ATRN: variants seen among roughly 807,000 people sequenced by gnomAD.
ATRN encodes the protein attractin, also known as attractin-2.
A neutral mutation model predicts 178.7 loss-of-function variants in ATRN; 54 were observed. The observed-to-expected ratio is 0.30, with a 90% confidence interval of 0.24 to 0.38. The LOEUF (loss-of-function observed/expected upper bound fraction) is 0.38. ATRN is among the 10% of genes least tolerant of loss of function. The pLI is 1.00. For synonymous variants in ATRN, 636 were observed against 663.0 expected (o/e 0.96, Z 0.63); for missense variants, 1,443 against 1,815.1 (o/e 0.79, Z 3.73).
Position 3,560,754 on chromosome 20 carries a change from G to A in ATRN, c.1296G>A (p.Val432=), listed in dbSNP as rs750311574. The part of the protein sequence containing the change: ...RVFHIHNESW[V]LLTPKAKEQY... ...TTCACATTCATAATGAGTCATGGGT[G>A]TTGTTGACCCCTAAGGCAAAGGAGC... Residue 432 remains valine (V), a synonymous_variant, in exon 8 of 29, where the codon GTG becomes GTA. Coordinates refer to ENST00000262919, the MANE Select transcript of ATRN (RefSeq NM_139321.3). 1.2e-6 allele frequency: 2 copies of A among 1,614,170 alleles called. No individual in the cohort carries two copies. The highest frequency in any genetic ancestry group is 2.2e-5 in the South Asian group (2 of 91,078).
chr20:3,588,012 T>C (rs1281927482), intron 18 of ATRN, among the ~76,000 whole-genome samples: 1 of 152,108 alleles, frequency 6.6e-6, no homozygotes, highest in East Asian at 1.9e-4. Context: ...AACACCCAGC[T>C]AATTTTTATA....
chr20:3,535,220 G>A, intron 1 of ATRN, 33 bp from the exon 2 acceptor site: 2 of 1,109,192 alleles, frequency 1.8e-6, no homozygotes, highest in Non-Finnish European at 2.5e-6. Context: ...TAATATAGCA[G>A]ACTTAAGTTT....
chr20:3,612,358 C>T (rs1000978509), intron 24 of ATRN, among the ~76,000 whole-genome samples: 2 of 152,092 alleles, frequency 1.3e-5, no homozygotes, highest in Non-Finnish European at 2.9e-5. Flanking sequence ...GAATAAGTAT[C>T]CTGAAGCTTC....
At chr20:3,590,893 T>C (rs1293186415) in intron 18 of ATRN, among the ~76,000 whole-genome samples, 1 of 152,218 alleles carries the variant, frequency 6.6e-6, no homozygotes, top group African/African-American at 2.4e-5. Context: ...AAGTATACTG[T>C]CATGAGCATA....
chr20:3,605,265 G>T (rs2086662561), intron 24 of ATRN, among the ~76,000 whole-genome samples: 1 of 152,178 alleles, frequency 6.6e-6, no homozygotes, highest in Non-Finnish European at 1.5e-5. Context: ...ACAGATGCTG[G>T]CAAGGCTGTG....
intron 24 of ATRN, among the ~76,000 whole-genome samples, chr20:3,612,972 C>T (rs2086787307): frequency 6.6e-6 from 1 of 152,138 alleles, no homozygotes; most frequent in African/African-American, 2.4e-5. Context: ...ATTGCTCCAC[C>T]CTCTGAAAGT....
chr20:3,484,996 C>G (rs937471272), intron 1 of ATRN, among the ~76,000 whole-genome samples: 1 of 150,658 alleles, frequency 6.6e-6, no homozygotes, highest in African/African-American at 2.4e-5. Context: ...ATCTGGGCAC[C>G]TCTCTGAAGT....
At chr20:3,492,518 C>T (rs570021587) in intron 1 of ATRN, among the ~76,000 whole-genome samples, 1 of 151,992 alleles carries the variant, frequency 6.6e-6, no homozygotes, top group Non-Finnish European at 1.5e-5. Context: ...GAGGTGTTAG[C>T]AATAAGACTA....
intron 6 of ATRN, among the ~76,000 whole-genome samples, chr20:3,552,922 C>T (rs1372575357): frequency 2.6e-5 from 4 of 152,174 alleles, no homozygotes; most frequent in African/African-American, 7.2e-5. Context: ...TAGACTGAGT[C>T]TGCTAGCAGG....
chr20:3,537,237 A>G (rs911250305), intron 2 of ATRN, among the ~76,000 whole-genome samples: 3 of 152,240 alleles, frequency 2.0e-5, no homozygotes, highest in African/African-American at 7.2e-5. Context: ...TATCTTTGGC[A>G]GCAAATACTG....
At chr20:3,544,009 G>GGGCTAGACCTTGGGTCT in intron 3 of ATRN, among the ~76,000 whole-genome samples, 1 of 152,158 alleles carries the variant, frequency 6.6e-6, no homozygotes, top group African/African-American at 2.4e-5. Context: ...ACTCTAGCTT[G>GGGCTAGACCTTGGGTCT]GGCTAGACCT....
chr20:3,542,673 C>G (rs2085642263), intron 3 of ATRN, among the ~76,000 whole-genome samples: 1 of 148,840 alleles, frequency 6.7e-6, no homozygotes, highest in Non-Finnish European at 1.5e-5. Context: ...CTCCCCCAGG[C>G]TGGAGTGCAG....
chr20:3,629,709 C>T (rs1186660785), intron 25 of ATRN, among the ~76,000 whole-genome samples: 1 of 152,136 alleles, frequency 6.6e-6, no homozygotes. Context: ...CTGCTCACTC[C>T]AAGATTTGAC....
chr20:3,557,438 G>A (rs191996581), intron 6 of ATRN, among the ~76,000 whole-genome samples: 2 of 152,332 alleles, frequency 1.3e-5, no homozygotes, highest in Admixed American at 1.3e-4. Flanking sequence ...TCCAAGAATA[G>A]TGTACCCAGC....
chr20:3,622,142 A>C (rs1431984270), intron 24 of ATRN, among the ~76,000 whole-genome samples: 1 of 152,240 alleles, frequency 6.6e-6, no homozygotes, highest in African/African-American at 2.4e-5. Flanking sequence ...TGGTGCCCAG[A>C]AATCTGATAG....
intron 5 of ATRN, among the ~76,000 whole-genome samples, chr20:3,548,295 A>G (rs754591755): frequency 3.2e-4 from 48 of 152,188 alleles, no homozygotes; most frequent in Non-Finnish European, 6.0e-4. Context: ...TATTCAGGAA[A>G]AAAACACAAT....
At chr20:3,535,928 C>A (rs927611143) in intron 2 of ATRN, among the ~76,000 whole-genome samples, 2 of 152,120 alleles carry the variant, frequency 1.3e-5, no homozygotes, top group Non-Finnish European at 2.9e-5. Context: ...CTGCGCCCAG[C>A]CACGGTTCCA....
intron 14 of ATRN, 81 bp from the exon 15 acceptor site, chr20:3,578,501 A>G (rs2086241266): frequency 7.9e-7 from 1 of 1,262,500 alleles, no homozygotes; most frequent in African/African-American, 1.5e-5. Flanking sequence ...CCATTTCGGT[A>G]TTCAGTAATT....
At chr20:3,617,066 A>G (rs2086854671) in intron 24 of ATRN, among the ~76,000 whole-genome samples, 1 of 152,198 alleles carries the variant, frequency 6.6e-6, no homozygotes, top group South Asian at 2.1e-4. Context: ...AGGTATCAGA[A>G]CTTTTTCTTT....
Sources: allele counts gnomAD v4.1 joint callset (sites outside exome capture counted in the v4.1 genomes callset), GRCh38; gene constraint gnomAD v4.1.1; transcripts MANE v1.5; gene names NCBI Gene and HGNC (gene_info 2026-07-23, HGNC 2026-07-21).